PAK2: variants seen among roughly 807,000 people sequenced by gnomAD.
PAK2 encodes the protein p21 (RAC1) activated kinase 2, also known as serine/threonine-protein kinase PAK 2.
PAK2 carries 21 observed loss-of-function variants against 65.9 expected under a neutral mutation model. That is an observed-to-expected ratio of 0.32 (90% CI 0.23 to 0.46). The LOEUF (loss-of-function observed/expected upper bound fraction) is 0.46, where lower values mean the gene tolerates loss of function less well. Among genes scored for constraint, PAK2 ranks in the 20% least tolerant of loss-of-function variants. PAK2 has a pLI of 1.00. For missense variants in PAK2, 324 were observed against 642.6 expected (o/e 0.50, Z 5.36); for synonymous variants, 204 against 219.7 (o/e 0.93, Z 0.63).
intron 1 of PAK2, among the ~76,000 whole-genome samples, chr3:196,762,918 A>G (rs1714032953): frequency 6.6e-6 from 1 of 152,346 alleles, no homozygotes; most frequent in East Asian, 1.9e-4. Flanking sequence ...GAAGCCATAC[A>G]GTAATTTGAA....
At chr3:196,783,253 T>C (rs1714768587) in intron 2 of PAK2, among the ~76,000 whole-genome samples, 1 of 152,188 alleles carries the variant, frequency 6.6e-6, no homozygotes, top group Non-Finnish European at 1.5e-5. Context: ...CCAGGTGTTC[T>C]ATAATGCCCT....
chr3:196,779,917 C>G (rs1010342383), intron 1 of PAK2, among the ~76,000 whole-genome samples: 9 of 152,232 alleles, frequency 5.9e-5, no homozygotes, highest in Non-Finnish European at 1.0e-4. Flanking sequence ...GCAATCCGCC[C>G]ACCTTGGCCT....
At chr3:196,746,180 CAA>C (rs57608727) in intron 1 of PAK2, among the ~76,000 whole-genome samples, 2,808 of 152,132 alleles carry the variant, frequency 0.018, 75 homozygotes, top group African/African-American at 0.063. Context: ...CTTGGTTAAA[CAA>C]GAGACGTGTC....
chr3:196,810,147 G>A (rs1305314689), intron 7 of PAK2, among the ~76,000 whole-genome samples: 1 of 151,616 alleles, frequency 6.6e-6, no homozygotes, highest in Non-Finnish European at 1.5e-5. Flanking sequence ...CCTATTAATA[G>A]ATATATTCAA....
At chr3:196,812,095 T>C (rs1715847220) in intron 8 of PAK2, 124 bp from the exon 9 acceptor site, 3 of 612,104 alleles carry the variant, frequency 4.9e-6, no homozygotes, top group African/African-American at 3.7e-5. Flanking sequence ...TTACTCCTTT[T>C]AAGCACGTTA....
chr3:196,762,289 C>T (rs868340895), intron 1 of PAK2, among the ~76,000 whole-genome samples: 4 of 128,496 alleles, frequency 3.1e-5, no homozygotes, highest in South Asian at 2.6e-4. Context: ...ACTTCCCAGA[C>T]GGGGTGGCGG....
At chr3:196,780,486 G>T (rs567600951) in intron 1 of PAK2, among the ~76,000 whole-genome samples, 1 of 152,152 alleles carries the variant, frequency 6.6e-6, no homozygotes, top group Non-Finnish European at 1.5e-5. Flanking sequence ...CAGATCACGT[G>T]AGATGTACTC....
chr3:196,770,854 C>T (rs1049392018), intron 1 of PAK2, among the ~76,000 whole-genome samples: 1 of 151,960 alleles, frequency 6.6e-6, no homozygotes, highest in Non-Finnish European at 1.5e-5. Context: ...AACTCCTGAC[C>T]TCAAGTGATC....
intron 1 of PAK2, among the ~76,000 whole-genome samples, chr3:196,744,529 C>A (rs573538894): frequency 4.6e-5 from 7 of 152,110 alleles, no homozygotes; most frequent in Non-Finnish European, 7.4e-5. Flanking sequence ...CAGAGCAAGA[C>A]CCTGTCTTAT....
At position 196,829,478 on chromosome 3, in the gene PAK2, A is replaced by G. The variant is rs1453744192; in HGVS notation, c.*1073A>G. 2.0e-5 allele frequency: 3 copies of G among 152,226 alleles called. No homozygotes were observed. The highest frequency in any genetic ancestry group is 4.4e-5 in the Non-Finnish European group (3 of 68,040). The allele number at this position is 152,226 out of a possible 1,614,324, so 9.4% of individuals were successfully genotyped here. On this transcript the variant is annotated 3_prime_UTR_variant, in exon 15 of 15. Coordinates refer to ENST00000327134, the MANE Select transcript of PAK2 (RefSeq NM_002577.4). The stretch of plus-strand genomic sequence containing the variant: ...TTAAAAATTAGCTTTTTTCCACTTA[A>G]AGGAGAAAAATATTTGGGACTAGCA...
Position 196,802,047 on chromosome 3 carries a change from G to A in PAK2, c.288+20G>A. ...TTCACTGTAAGTTAACCTAGTTCGGGCCCATTTATAACGTTTAAAATAGCA... is the reference window on the plus strand; with the variant it reads ...TTCACTGTAAGTTAACCTAGTTCGGACCCATTTATAACGTTTAAAATAGCA... On this transcript the variant is annotated intron_variant, in intron 3 of 14. Transcript: ENST00000327134. 1 of 1,246,088 alleles carries A rather than the reference G, an allele frequency of 8.0e-7. No homozygotes were observed. Among genetic ancestry groups the A allele is most frequent in the Non-Finnish European group, 1.2e-6 (1 of 848,364 alleles). 77.2% of individuals were successfully genotyped at this position (1,246,088 alleles called of 1,614,324 possible). A position where few individuals can be genotyped will look rare whatever the true frequency, so the allele number is the denominator to read the frequency against.
intron 1 of PAK2, among the ~76,000 whole-genome samples, chr3:196,758,554 G>A (rs1304696979): frequency 6.6e-6 from 1 of 152,252 alleles, no homozygotes; most frequent in Non-Finnish European, 1.5e-5. Flanking sequence ...TAGAAAGTTA[G>A]ACAGGAGCCT....
intron 1 of PAK2, among the ~76,000 whole-genome samples, chr3:196,761,985 T>C (rs1302677380): frequency 7.9e-4 from 87 of 110,762 alleles, no homozygotes; most frequent in South Asian, 1.4e-3. Flanking sequence ...TCAGACGGGG[T>C]GGTTGCCAGG....
chr3:196,751,929 G>A (rs146920703), intron 1 of PAK2, among the ~76,000 whole-genome samples: 2,251 of 151,260 alleles, frequency 0.015, 102 homozygotes, highest in Admixed American at 0.095. Context: ...TTTGAGTAGA[G>A]ATAGGATTTC....
chr3:196,787,346 C>G (rs528733441), intron 2 of PAK2, among the ~76,000 whole-genome samples: 4 of 151,734 alleles, frequency 2.6e-5, no homozygotes, highest in Non-Finnish European at 5.9e-5. Context: ...TTTGGGAGGC[C>G]GAGGCCGGCA....
intron 1 of PAK2, among the ~76,000 whole-genome samples, chr3:196,762,759 C>A (rs1206713664): frequency 6.6e-6 from 1 of 150,860 alleles, no homozygotes; most frequent in African/African-American, 2.4e-5. Context: ...CGTGCCATTG[C>A]ACTCCAGCCT....
At position 196,751,888 on chromosome 3, in the gene PAK2, G is replaced by T. The variant is rs145499098; in HGVS notation, c.-22+11731G>T. On this transcript the variant is annotated intron_variant, in intron 1 of 14. Transcript: ENST00000327134. ...CTCCTGAGTAGCTGGGATTACAGGC[G>T]CATGCCACCACTCTCAGCTAATTTT... 8.0e-5 allele frequency among the ~76,000 whole-genome samples: 12 copies of T among 150,256 alleles called. 2 individuals carry two copies. Among genetic ancestry groups the T allele is most frequent in the Admixed American group, 8.0e-4 (12 of 15,046 alleles).
chr3:196,783,700 CCTT>C (rs1484565271), intron 2 of PAK2, among the ~76,000 whole-genome samples: 2 of 152,136 alleles, frequency 1.3e-5, no homozygotes, highest in Non-Finnish European at 2.9e-5. Context: ...CCCATCCTAA[CCTT>C]CTCTTCGTCC....
At chr3:196,804,844 TACACACACACATATACAC>T (rs1425160704) in intron 4 of PAK2, among the ~76,000 whole-genome samples, 1 of 113,612 alleles carries the variant, frequency 8.8e-6, no homozygotes, top group Non-Finnish European at 1.9e-5. Flanking sequence ...TATATATATA[TACACACACACATATACAC>T]ACACACACAC....
Sources: gnomAD v4.1 joint callset for allele counts (sites outside exome capture counted in the v4.1 genomes callset) on GRCh38, gnomAD v4.1.1 for gene constraint, MANE v1.5 for transcripts, NCBI Gene and HGNC (gene_info 2026-07-23, HGNC 2026-07-21) for gene names.